ABCB5: variants seen among roughly 807,000 people sequenced by gnomAD.
The protein encoded by ABCB5 is ATP binding cassette subfamily B member 5, also known as ATP-binding cassette sub-family B member 5.
A neutral mutation model predicts 144.2 loss-of-function variants in ABCB5; 155 were observed. The ratio of observed to expected loss-of-function variants is 1.08; its 90% CI spans 0.94 to 1.23. The LOEUF (loss-of-function observed/expected upper bound fraction) is 1.23, where lower values mean the gene tolerates loss of function less well. Ranked by LOEUF, ABCB5 falls within the 50% of genes most tolerant of loss-of-function variation. The pLI, the probability that ABCB5 is intolerant of heterozygous loss-of-function variation, is 0.00. For missense variants in ABCB5, 1,830 were observed against 1,520.8 expected, an observed-to-expected ratio of 1.20 and a Z score of -3.38; for synonymous variants, 610 against 528.6, an observed-to-expected ratio of 1.15 and a Z score of -2.11.
intron 13 of ABCB5, among the ~76,000 whole-genome samples, chr7:20,658,220 C>T (rs1025640746): frequency 6.6e-6 from 1 of 151,826 alleles, no homozygotes; most frequent in African/African-American, 2.4e-5. Flanking sequence ...GAGATTTGGA[C>T]ATTAGTTTAA....
At chr7:20,672,500 C>A (rs923526476) in intron 14 of ABCB5, among the ~76,000 whole-genome samples, 1 of 152,156 alleles carries the variant, frequency 6.6e-6, no homozygotes, top group South Asian at 2.1e-4. Context: ...AGCAAACCAC[C>A]ATGGCACACA....
At position 20,681,531 on chromosome 7, in the gene ABCB5, G is replaced by T; in HGVS notation, c.1734G>T (p.Val578=). 9 of 1,614,124 alleles carry T rather than the reference G, an allele frequency of 5.6e-6. No homozygotes were observed. The highest frequency in any genetic ancestry group is 6.8e-6 in the Non-Finnish European group (8 of 1,180,026). Residue 578 remains valine, a synonymous_variant, in exon 15 of 28, where the codon GTG becomes GTT. Transcript: ENST00000404938. The part of the protein sequence containing the change: ...EKASKGRTTI[V]VAHRLSTIRS... ...CGAGCAAAGGTCGGACTACAATCGT[G>T]GTAGCACACCGACTTTCTACTATTC... is the stretch of plus-strand genomic sequence containing the variant.
In ABCB5 at chr7:20,628,830, C is replaced by G; in HGVS notation, c.251C>G (p.Thr84Ser). 6.2e-7 allele frequency: 1 copy of G among 1,613,556 alleles called. No homozygotes were observed. The highest frequency in any genetic ancestry group is 1.7e-4 in the Middle Eastern group (1 of 6,004). The stretch of plus-strand genomic sequence containing the variant: ...CTTATTAGTGGATGTCTAGTCCAAA[C>G]TAACACAAGTGAGTATACGATTATT... ...DNLISGCLVQ[T>S]NTTNYQNCTQ... Residue 84 changes from threonine to serine, a missense_variant, in exon 4 of 28, where the codon ACT (threonine) becomes AGT (serine). Transcript: ENST00000404938.
chr7:20,721,962 A>G (rs1342377675), intron 20 of ABCB5, among the ~76,000 whole-genome samples: 2 of 152,246 alleles, frequency 1.3e-5, no homozygotes, highest in African/African-American at 4.8e-5. Flanking sequence ...AATTTTAAGT[A>G]CATGTCAATT....
Position 20,679,485 on chromosome 7 carries a change from A to AAAAAAAAG in ABCB5, c.1708-2019_1708-2018insAAAAAAGA, listed in dbSNP as rs1396302002. The stretch of plus-strand genomic sequence containing the variant: ...AAACTCCATCTCAAAAAAAAAAAAA[A>AAAAAAAAG]AGAGAGAGAGAGAGAAAGAGAGTGA... On this transcript the variant is annotated intron_variant, in intron 14 of 27. Coordinates refer to ENST00000404938, the MANE Select transcript of ABCB5 (RefSeq NM_001163941.2). 4.3e-4 allele frequency among the ~76,000 whole-genome samples: 64 copies of AAAAAAAAG among 147,494 alleles called. 1 individual carries two copies. The highest frequency in any genetic ancestry group is 1.5e-3 in the African/African-American group (57 of 38,136).
At chr7:20,633,633 C>G (rs1784087522) in intron 5 of ABCB5, among the ~76,000 whole-genome samples, 1 of 152,104 alleles carries the variant, frequency 6.6e-6, no homozygotes, top group African/African-American at 2.4e-5. Flanking sequence ...CAGTATCTTT[C>G]TTCTAGCTAT....
At chr7:20,649,092 A>G (rs188475876) in intron 11 of ABCB5, among the ~76,000 whole-genome samples, 1 of 152,336 alleles carries the variant, frequency 6.6e-6, no homozygotes, top group Non-Finnish European at 1.5e-5. Flanking sequence ...AAACTAAAGA[A>G]TGAAATTTTG....
In ABCB5 at chr7:20,713,588, G is replaced by A. The variant is rs959560262; in HGVS notation, c.2421+8781G>A. ...ACATTGTGAATTTAAAATTTTTGGT[G>A]CTGGATATTTTTACATTTCTATAAA... On this transcript the variant is annotated intron_variant, in intron 20 of 27. Coordinates refer to ENST00000404938, the MANE Select transcript of ABCB5 (RefSeq NM_001163941.2). 9.4e-5 allele frequency among the ~76,000 whole-genome samples: 14 copies of A among 149,504 alleles called. 1 individual carries two copies. Among genetic ancestry groups the A allele is most frequent in the African/African-American group, 3.0e-4 (12 of 40,396 alleles).
At chr7:20,651,730 T>C in intron 13 of ABCB5, 107 bp downstream of exon 13, 1 of 1,209,610 alleles carries the variant, frequency 8.3e-7, no homozygotes, top group South Asian at 1.4e-5. Context: ...GGGGTGTGAT[T>C]AAATTCTGGA....
chr7:20,740,933 C>T (rs1031985350), intron 24 of ABCB5, among the ~76,000 whole-genome samples: 2 of 151,598 alleles, frequency 1.3e-5, no homozygotes, highest in African/African-American at 4.9e-5. Context: ...ATGGCAAAGC[C>T]CCATCGCTAA....
At position 20,685,702 on chromosome 7, in the gene ABCB5, A is replaced by G; in HGVS notation, c.1876A>G (p.Lys626Glu). Residue 626 changes from lysine to glutamate, a missense_variant, in exon 16 of 28, where the codon AAA becomes GAA. By Grantham distance (56) the Lys-to-Glu change is moderately conservative. Coordinates refer to ENST00000404938, the MANE Select transcript of ABCB5 (RefSeq NM_001163941.2). ...YYSLVMSQDI[K>E]KADEQMESMT... ...TATATATTCTTCCTGTAAGGATATT[A>G]AAAAAGCTGATGAACAGATGGAGTC... 1.2e-6 allele frequency: 2 copies of G among 1,603,688 alleles called. No homozygotes were observed. The highest frequency in any genetic ancestry group is 1.7e-6 in the Non-Finnish European group (2 of 1,175,616).
At chr7:20,647,137 G>C (rs979033067) in intron 9 of ABCB5, among the ~76,000 whole-genome samples, 6 of 152,174 alleles carry the variant, frequency 3.9e-5, no homozygotes, top group Non-Finnish European at 7.3e-5. Flanking sequence ...AAAATCTACT[G>C]AATTTTTCTT....
intron 1 of ABCB5, among the ~76,000 whole-genome samples, chr7:20,620,545 T>C (rs1203001067): frequency 6.6e-6 from 1 of 150,810 alleles, no homozygotes; most frequent in East Asian, 1.9e-4. Flanking sequence ...CAACTTACTA[T>C]AAAAAAAAAC....
chr7:20,665,995 C>T (rs947674893), intron 14 of ABCB5, among the ~76,000 whole-genome samples: 4 of 151,096 alleles, frequency 2.6e-5, no homozygotes, highest in African/African-American at 9.7e-5. Flanking sequence ...CATGGAGAAA[C>T]CCTGTCTCTA....
intron 19 of ABCB5, among the ~76,000 whole-genome samples, chr7:20,703,158 G>A (rs77213414): frequency 4.3e-4 from 65 of 152,178 alleles, no homozygotes; most frequent in African/African-American, 1.6e-3. Flanking sequence ...ACTTTATACT[G>A]TATCTAAAAA....
intron 14 of ABCB5, among the ~76,000 whole-genome samples, chr7:20,679,206 G>A (rs1018825904): frequency 2.0e-5 from 3 of 152,038 alleles, no homozygotes; most frequent in Admixed American, 6.6e-5. Flanking sequence ...GGTGGTTCAC[G>A]CCTGTAATCC....
chr7:20,726,842 T>G (rs1378674838), intron 21 of ABCB5, among the ~76,000 whole-genome samples, 198 bp from the exon 22 acceptor site: 2 of 152,210 alleles, frequency 1.3e-5, no homozygotes, highest in African/African-American at 2.4e-5. Context: ...TAAGACATTT[T>G]CCTTAAGCTT....
At chr7:20,752,917 T>A (rs541213007) in intron 26 of ABCB5, among the ~76,000 whole-genome samples, 2 of 152,326 alleles carry the variant, frequency 1.3e-5, no homozygotes, top group South Asian at 4.1e-4. Flanking sequence ...TATCCCAGCA[T>A]CTGTAAGGAT....
intron 5 of ABCB5, among the ~76,000 whole-genome samples, chr7:20,640,699 T>C (rs11772341): frequency 0.056 from 8,578 of 152,252 alleles, 340 homozygotes; most frequent in South Asian, 0.14. Flanking sequence ...ACTCTGTGCA[T>C]GTCCATAAAT....
Sources: gnomAD v4.1 joint callset for allele counts (sites outside exome capture counted in the v4.1 genomes callset) on GRCh38, gnomAD v4.1.1 for gene constraint, MANE v1.5 for transcripts, NCBI Gene and HGNC (gene_info 2026-07-23, HGNC 2026-07-21) for gene names.